The following IQCF1 variants were observed in gnomAD, a reference collection of about 807,000 sequenced individuals.
IQCF1 encodes the protein IQ motif containing F1, also known as IQ domain-containing protein F1.
IQCF1 carries 9 observed loss-of-function variants against 12.5 expected under a neutral mutation model. The observed-to-expected ratio is 0.72, with a 90% CI of 0.43 to 1.26. The LOEUF is 1.26. Ranked by LOEUF, IQCF1 falls within the 50% of genes most tolerant of loss-of-function variation. IQCF1 has a pLI of 0.00. For missense variants in IQCF1, 252 were observed against 257.4 expected (o/e 0.98, Z 0.14); for synonymous variants, 67 against 96.2 (o/e 0.70, Z 1.78).
chr3:51,896,763 G>A, intron 3 of IQCF1, 69 bp downstream of exon 3: 4 of 1,185,164 alleles, frequency 3.4e-6, no homozygotes, highest in Non-Finnish European at 5.1e-6. Context: ...CCATATCATG[G>A]TCATTCCATT....
chr3:51,894,897 T>C lies in IQCF1; in HGVS notation c.611A>G (p.Lys204Arg). 6.2e-7 allele frequency: 1 copy of C among 1,613,280 alleles called. No individual in the cohort carries two copies. The highest frequency in any genetic ancestry group is 8.5e-7 in the Non-Finnish European group (1 of 1,179,446). Residue 204 changes from lysine to arginine, a missense_variant, in exon 4 of 4, where the codon AAG becomes AGG. Lys to Arg is a conservative substitution (Grantham distance 26). Transcript: ENST00000310914. ...IVTECIPFSI[K>R]E The stretch of plus-strand genomic sequence containing the variant: ...TATCTGGAAAAGACCACTTCATTCC[T>C]TTATTGAGAAGGGAATACACTCTGT...
intron 2 of IQCF1, 132 bp downstream of exon 2, chr3:51,902,853 A>G (rs1481602234): frequency 1.2e-6 from 1 of 831,462 alleles, no homozygotes; most frequent in Non-Finnish European, 2.1e-6. Flanking sequence ...AGAATTAAAA[A>G]GAAAATTTTA....
chr3:51,898,674 A>C (rs187273006), intron 2 of IQCF1, among the ~76,000 whole-genome samples: 62 of 152,230 alleles, frequency 4.1e-4, no homozygotes, highest in Admixed American at 7.2e-4. Flanking sequence ...GTATGAGGCT[A>C]TTCTGTTAGA....
At chr3:51,897,494 G>A (rs1358466379) in intron 2 of IQCF1, among the ~76,000 whole-genome samples, 2 of 152,364 alleles carry the variant, frequency 1.3e-5, no homozygotes, top group South Asian at 2.1e-4. Flanking sequence ...GTTCTCCAAC[G>A]TGAGGAGGCA....
At chr3:51,896,491 A>C (rs575880641) in intron 3 of IQCF1, among the ~76,000 whole-genome samples, 23 of 152,296 alleles carry the variant, frequency 1.5e-4, no homozygotes, top group African/African-American at 5.1e-4. Flanking sequence ...GACCATGGTC[A>C]CTCATACTTG....
rs1279900939 is a variant in IQCF1 at position 51,895,034 on chromosome 3, C to G, written c.474G>C (p.Trp158Cys). 1.9e-6 allele frequency: 3 copies of G among 1,614,140 alleles called. No individual in the cohort carries two copies. The highest frequency in any genetic ancestry group is 2.2e-5 in the South Asian group (2 of 91,086). The change falls in exon 4 of 4, where the codon TGG becomes TGC. Residue 158 changes from tryptophan (W) to cysteine (C), a missense_variant. Transcript: ENST00000310914. This position sits in a 1 kb window ranked among gnomAD's most constrained non-coding sequence, Gnocchi z 4.8. ...CCCGGGAAGCACAGGAGCGGCACCT[C>G]CAGTAAGCCTGGATGATGCGAACAG... is the stretch of plus-strand genomic sequence containing the variant. Reference protein sequence around the residue: ...LNAVRIIQAYWRCRSCASRGF... With the variant: ...LNAVRIIQAYCRCRSCASRGF...
chr3:51,903,223 C>T, intron 1 of IQCF1, 47 bp downstream of exon 1: 1 of 1,611,178 alleles, frequency 6.2e-7, no homozygotes, highest in Non-Finnish European at 8.5e-7. Flanking sequence ...CCTGAGAGAT[C>T]TATGGGGACA....
intron 2 of IQCF1, among the ~76,000 whole-genome samples, chr3:51,902,300 G>A (rs1699083659): frequency 6.6e-6 from 1 of 152,124 alleles, no homozygotes; most frequent in African/African-American, 2.4e-5. Context: ...GGAAAATCAA[G>A]CAGAACATCT....
rs1405917458 is a variant in IQCF1, at chr3:51,900,900, A to AC, written c.108+2084dup. 6.6e-6 allele frequency among the ~76,000 whole-genome samples: 1 copy of AC among 151,958 alleles called. No homozygotes were observed. Among genetic ancestry groups the AC allele is most frequent in the Non-Finnish European group, 1.5e-5 (1 of 67,978 alleles). ...ATGGGGGCTGAGGTTTCAGGGACAG[A>AC]CCCTATTGGATTCTTTGAAATGCAT... On this transcript the variant is annotated intron_variant, in intron 2 of 3. Coordinates refer to ENST00000310914, the MANE Select transcript of IQCF1 (RefSeq NM_152397.3). The surrounding 1 kb of genome is among the most constrained non-coding windows in gnomAD (Gnocchi z 4.2).
intron 2 of IQCF1, among the ~76,000 whole-genome samples, chr3:51,901,004 CATCT>C (rs1699069312): frequency 6.6e-6 from 1 of 152,204 alleles, no homozygotes; most frequent in Non-Finnish European, 1.5e-5. Flanking sequence ...GCTCCTCCTC[CATCT>C]AACAACAAGA....
chr3:51,903,036 C>G lies in IQCF1; in HGVS notation c.57G>C (p.Gln19His), dbSNP rs1699098373. 1.2e-6 allele frequency: 2 copies of G among 1,614,060 alleles called. No individual in the cohort carries two copies. The highest frequency in any genetic ancestry group is 1.7e-6 in the Non-Finnish European group (2 of 1,180,048). ...ACAAATGGGTTGGCATCTCCTTCTGCTGAGGCTCATCTTCTTTTGAGGGTT... is the reference window on the plus strand; with the variant it reads ...ACAAATGGGTTGGCATCTCCTTCTGGTGAGGCTCATCTTCTTTTGAGGGTT... ...TKEPSKEDEP[Q>H]QKEMPTHLSL... The change falls in exon 2 of 4, where the codon CAG (glutamine) becomes CAC (histidine). Residue 19 changes from glutamine (Q) to histidine (H), a missense_variant. Transcript: ENST00000310914.
intron 1 of IQCF1, 59 bp downstream of exon 1, chr3:51,903,211 A>T: frequency 6.2e-7 from 1 of 1,602,434 alleles, no homozygotes; most frequent in Non-Finnish European, 8.6e-7. Flanking sequence ...GGGTCCCTTC[A>T]CCCTGAGAGA....
chr3:51,901,519 T>C (rs892995290), intron 2 of IQCF1, among the ~76,000 whole-genome samples: 1 of 152,232 alleles, frequency 6.6e-6, no homozygotes, highest in Non-Finnish European at 1.5e-5. Flanking sequence ...GGTGGACCTT[T>C]ACTGGACGCT....
intron 2 of IQCF1, among the ~76,000 whole-genome samples, chr3:51,897,986 A>G (rs4687786): frequency 0.7 from 106,252 of 152,074 alleles, 38,098 homozygotes; most frequent in East Asian, 0.86. Context: ...GCCTTCTACA[A>G]ATTTCAGGGG....
rs1037767291 is a variant in IQCF1, at chr3:51,900,066, T to G, written c.108+2919A>C. ...TACTCGGTTTATCTTCCACTTTCCT[T>G]TCCCTCAAAACTAAAAGTCTTTTAG... On this transcript the variant is annotated intron_variant, in intron 2 of 3. Coordinates refer to ENST00000310914, the MANE Select transcript of IQCF1 (RefSeq NM_152397.3). The surrounding 1 kb of genome is among the most constrained non-coding windows in gnomAD (Gnocchi z 4.2). Among the ~76,000 whole-genome samples the G allele has an allele frequency of 1.1e-4, 17 of 152,200 alleles. No homozygotes were observed. Among genetic ancestry groups the G allele is most frequent in the African/African-American group, 3.4e-4 (14 of 41,518 alleles).
intron 3 of IQCF1, among the ~76,000 whole-genome samples, 183 bp downstream of exon 3, chr3:51,896,649 A>G (rs1324366978): frequency 6.6e-6 from 1 of 151,980 alleles, no homozygotes; most frequent in Non-Finnish European, 1.5e-5. Flanking sequence ...CACATTTTAA[A>G]TCTTAATTTA....
chr3:51,895,007 C>G lies in IQCF1; in HGVS notation c.501G>C (p.Gly167=). 2 of 1,614,212 alleles carry G rather than the reference C, an allele frequency of 1.2e-6. No homozygotes were observed. Among genetic ancestry groups the G allele is most frequent in the African/African-American group, 1.3e-5 (1 of 75,054 alleles). Residue 167 remains glycine (G), a synonymous_variant, in exon 4 of 4, where the codon GGG becomes GGC. Transcript: ENST00000310914. The surrounding 1 kb of genome is among the most constrained non-coding windows in gnomAD (Gnocchi z 4.8). The stretch of plus-strand genomic sequence containing the variant: ...TGACTCTGTACTGGCCCTTGATGAA[C>G]CCCCGGGAAGCACAGGAGCGGCACC... The part of the protein sequence containing the change: ...YWRCRSCASR[G]FIKGQYRVTA...
chr3:51,899,184 A>G (rs1442405818), intron 2 of IQCF1, among the ~76,000 whole-genome samples: 1 of 152,104 alleles, frequency 6.6e-6, no homozygotes, highest in Non-Finnish European at 1.5e-5. Flanking sequence ...AATGGTTATC[A>G]TCTTCGAGGA....
intron 2 of IQCF1, 37 bp downstream of exon 2, chr3:51,902,948 A>G: frequency 6.8e-7 from 1 of 1,462,188 alleles, no homozygotes; most frequent in Non-Finnish European, 9.6e-7. Context: ...GCACTAGGAC[A>G]TGGGATCAAT....
Sources: allele counts gnomAD v4.1 joint callset (sites outside exome capture counted in the v4.1 genomes callset), GRCh38; gene constraint gnomAD v4.1.1; non-coding constraint Gnocchi (gnomAD v3.1); transcripts MANE v1.5; gene names NCBI Gene and HGNC (gene_info 2026-07-23, HGNC 2026-07-21).